Variants in AADACL4 observed in about 807,000 individuals in gnomAD.
AADACL4 encodes arylacetamide deacetylase like 4.
In AADACL4, 9 loss-of-function variants were observed where a neutral mutation model predicts 14.1. The observed-to-expected ratio is 0.64, with a 90% CI of 0.39 to 1.12. AADACL4 has a LOEUF of 1.12. AADACL4 is among the 50% of genes most tolerant of loss of function. The probability of loss-of-function intolerance (pLI) is 0.01; values close to 1 mark genes in which losing one functional copy is unlikely to be tolerated. For synonymous variants in AADACL4, 188 were observed against 201.6 expected, an observed-to-expected ratio of 0.93 and a Z score of 0.57; for missense variants, 531 against 516.1, an observed-to-expected ratio of 1.03 and a Z score of -0.28.
chr1:12,660,832 CG>C (rs1193736610), intron 2 of AADACL4, among the ~76,000 whole-genome samples: 1 of 152,018 alleles, frequency 6.6e-6, no homozygotes, highest in Non-Finnish European at 1.5e-5. Flanking sequence ...TTAGTAGAGA[CG>C]GGGTTTCACC....
At chr1:12,661,494 G>T (rs961629995) in intron 2 of AADACL4, among the ~76,000 whole-genome samples, 7 of 152,160 alleles carry the variant, frequency 4.6e-5, no homozygotes, top group Admixed American at 1.3e-4. Context: ...ACTTCCCTTG[G>T]TTTTTTTCCA....
At chr1:12,659,084 T>A (rs1442220297) in intron 2 of AADACL4, among the ~76,000 whole-genome samples, 2 of 152,182 alleles carry the variant, frequency 1.3e-5, no homozygotes, top group African/African-American at 2.4e-5. Flanking sequence ...CATGGACACA[T>A]ACGAGAAAAA....
chr1:12,654,933 C>T (rs551473876), intron 2 of AADACL4, among the ~76,000 whole-genome samples: 31 of 152,228 alleles, frequency 2.0e-4, no homozygotes, highest in Non-Finnish European at 3.1e-4. Context: ...TGAATAAATA[C>T]GAGTCTCGCT....
At chr1:12,658,099 C>CTT in intron 2 of AADACL4, among the ~76,000 whole-genome samples, 2 of 128,096 alleles carry the variant, frequency 1.6e-5, no homozygotes, top group South Asian at 5.3e-4. Flanking sequence ...CTCTTTCTTT[C>CTT]TCTCTTTCTT....
chr1:12,655,616 C>T lies in AADACL4; in HGVS notation c.385+4277C>T, dbSNP rs1281288285. Among the ~76,000 whole-genome samples, 35 of 152,110 alleles carry T rather than the reference C, an allele frequency of 2.3e-4. 2 individuals carry two copies. In the South Asian group the frequency reaches 6.0e-3, roughly 26 times the overall value. ...TTTGCTGTTAGGCCCGTTTCACCAA[C>T]GACTGAAGCCTCCCTCTGGGTGACC... On this transcript the variant is annotated intron_variant, in intron 2 of 3. Coordinates refer to ENST00000376221, the MANE Select transcript of AADACL4 (RefSeq NM_001013630.2).
At chr1:12,661,904 G>T in intron 3 of AADACL4, 50 bp downstream of exon 3, 2 of 1,582,044 alleles carry the variant, frequency 1.3e-6, no homozygotes, top group Non-Finnish European at 1.7e-6. Context: ...AGAGGAGATA[G>T]GGTAAGTTCA....
chr1:12,656,528 C>A (rs535690390), intron 2 of AADACL4, among the ~76,000 whole-genome samples: 1 of 152,282 alleles, frequency 6.6e-6, no homozygotes, highest in East Asian at 1.9e-4. Flanking sequence ...TTGAAGGGAG[C>A]ACTTGGCATT....
chr1:12,646,444 C>A (rs1647112257), intron 1 of AADACL4, among the ~76,000 whole-genome samples: 1 of 152,168 alleles, frequency 6.6e-6, no homozygotes, highest in Non-Finnish European at 1.5e-5. Flanking sequence ...GAGACACCGA[C>A]AAGTTCAGTG....
At chr1:12,651,954 A>G (rs554024510) in intron 2 of AADACL4, among the ~76,000 whole-genome samples, 40 of 148,718 alleles carry the variant, frequency 2.7e-4, no homozygotes, top group Non-Finnish European at 4.7e-4. Context: ...TCAGCCTCCC[A>G]AGTAGCTGGG....
At position 12,666,608 on chromosome 1, in the gene AADACL4, G is replaced by C. The variant is rs376400654; in HGVS notation, c.1097G>C (p.Arg366Pro). The C allele has an allele frequency of 3.7e-6, 6 of 1,614,182 alleles. No homozygotes were observed. Among genetic ancestry groups the C allele is most frequent in the Non-Finnish European group, 5.1e-6 (6 of 1,180,032 alleles). The change falls in exon 4 of 4, where the codon CGC becomes CCC. Residue 366 changes from arginine (R) to proline (P), a missense_variant. By Grantham distance (103) the Arg-to-Pro change is moderately radical. Transcript: ENST00000376221. Reference sequence around the variant, plus strand: ...AAGCGCTTGGAGGACCAGGGGGTCCGCGTGACATGGTACCACCTGTATGAT... The same window carrying C: ...AAGCGCTTGGAGGACCAGGGGGTCCCCGTGACATGGTACCACCTGTATGAT... ...YKKRLEDQGV[R>P]VTWYHLYDGF... is the part of the protein sequence containing the mutation.
At chr1:12,650,584 G>A (rs902661893) in intron 1 of AADACL4, among the ~76,000 whole-genome samples, 3 of 151,010 alleles carry the variant, frequency 2.0e-5, no homozygotes, top group Non-Finnish European at 4.4e-5. Context: ...CCAGGCTGGA[G>A]TGCAGTGGTG....
intron 1 of AADACL4, 33 bp downstream of exon 1, chr1:12,644,747 G>A (rs200008558): frequency 6.2e-7 from 1 of 1,605,250 alleles, no homozygotes; most frequent in African/African-American, 1.3e-5. Context: ...TCGTAACCTG[G>A]GGGCTTCTTC....
At position 12,644,487 on chromosome 1, in the gene AADACL4, T is replaced by G; in HGVS notation, c.-60T>G. 3 of 1,582,382 alleles carry G rather than the reference T, an allele frequency of 1.9e-6. No individual in the cohort carries two copies. Among genetic ancestry groups the G allele is most frequent in the Non-Finnish European group, 2.6e-6 (3 of 1,162,944 alleles). ...CGGAGGGTGTAACCCAGCCAGGTCC[T>G]CTTCACATAAGCTATCAGACAAGCT... On this transcript the variant is annotated 5_prime_UTR_variant, in exon 1 of 4. Coordinates refer to ENST00000376221, the MANE Select transcript of AADACL4 (RefSeq NM_001013630.2).
chr1:12,659,440 A>G (rs1020436612), intron 2 of AADACL4, among the ~76,000 whole-genome samples: 12 of 152,242 alleles, frequency 7.9e-5, no homozygotes, highest in Admixed American at 6.5e-4. Context: ...GGCCGGGGCT[A>G]GAGGGAGGCA....
intron 3 of AADACL4, among the ~76,000 whole-genome samples, chr1:12,662,931 G>A (rs918449440): frequency 2.0e-5 from 3 of 152,158 alleles, no homozygotes; most frequent in African/African-American, 7.2e-5. Flanking sequence ...TGAACAGGTA[G>A]CACATAAAGG....
In AADACL4 at chr1:12,661,565, A is replaced by G. The variant is rs573471717; in HGVS notation, c.386-226A>G. 2.0e-5 allele frequency among the ~76,000 whole-genome samples: 3 copies of G among 152,278 alleles called. No individual in the cohort carries two copies. In the East Asian group the frequency reaches 5.8e-4, roughly 29 times the overall value. ...CTCCACTGTAAAATAAATGTTGCAG[A>G]AAGTGAGCCCCAAGGTGAATTTGAG... On this transcript the variant is annotated intron_variant, in intron 2 of 3. Coordinates refer to ENST00000376221, the MANE Select transcript of AADACL4 (RefSeq NM_001013630.2).
In AADACL4 at chr1:12,651,001, T is replaced by G; in HGVS notation, c.169-122T>G. On this transcript the variant is annotated intron_variant, in intron 1 of 3. Coordinates refer to ENST00000376221, the MANE Select transcript of AADACL4 (RefSeq NM_001013630.2). ...GCCTATGGATTCCTGAAGAGCCCCC[T>G]GTACCTACAGGAGGCAGGTGAGAAA... is the stretch of plus-strand genomic sequence containing the variant. The G allele has an allele frequency of 7.4e-6, 7 of 946,270 alleles. No individual in the cohort carries two copies. In the South Asian group the frequency reaches 9.5e-5, roughly 13 times the overall value. 58.6% of individuals were successfully genotyped at this position (946,270 alleles called of 1,614,324 possible).
intron 2 of AADACL4, 132 bp from the exon 3 acceptor site, chr1:12,661,659 G>A: frequency 1.1e-6 from 1 of 931,080 alleles, no homozygotes; most frequent in Non-Finnish European, 1.7e-6. Context: ...TCCAGGCAGA[G>A]GAGGCAAGGA....
chr1:12,647,659 CTT>C (rs113499990), intron 1 of AADACL4, among the ~76,000 whole-genome samples: 5 of 143,940 alleles, frequency 3.5e-5, no homozygotes, highest in African/African-American at 5.1e-5. Context: ...TTCTTTCTTT[CTT>C]TTTTTTTTTT....
Sources: allele counts gnomAD v4.1 joint callset (sites outside exome capture counted in the v4.1 genomes callset), GRCh38; gene constraint gnomAD v4.1.1; transcripts MANE v1.5; gene names NCBI Gene and HGNC (gene_info 2026-07-23, HGNC 2026-07-21).